DNAH14: variants seen among roughly 807,000 people sequenced by gnomAD.
DNAH14 encodes axonemal beta dynein heavy chain 14.
DNAH14 carries 478 observed loss-of-function variants against 520.9 expected under a neutral mutation model. That is an observed-to-expected ratio of 0.92 (90% CI 0.85 to 0.99). The LOEUF is 0.99. Among genes scored for constraint, DNAH14 ranks in the 50% least tolerant of loss-of-function variants. The probability of loss-of-function intolerance (pLI) is 0.00; values close to 1 mark genes in which losing one functional copy is unlikely to be tolerated. For missense variants in DNAH14, 4,831 were observed against 5,234.5 expected, an observed-to-expected ratio of 0.92 and a Z score of 2.38; for synonymous variants, 1,581 against 1,757.2, an observed-to-expected ratio of 0.90 and a Z score of 2.51.
At chr1:225,273,412 C>G (rs1460277919) in intron 52 of DNAH14, among the ~76,000 whole-genome samples, 1 of 152,218 alleles carries the variant, frequency 6.6e-6, no homozygotes, top group African/African-American at 2.4e-5. Context: ...GCAGTCCAGC[C>G]TGGGCGACAG....
At chr1:225,299,771 T>C (rs910023258) in intron 55 of DNAH14, among the ~76,000 whole-genome samples, 7 of 152,150 alleles carry the variant, frequency 4.6e-5, no homozygotes, top group African/African-American at 1.7e-4. Context: ...TTCATGTGAC[T>C]CAAAAAGAGT....
chr1:225,063,548 A>G (rs1308174979), intron 17 of DNAH14, among the ~76,000 whole-genome samples: 2 of 152,126 alleles, frequency 1.3e-5, no homozygotes, highest in Non-Finnish European at 2.9e-5. Flanking sequence ...CTGCAGAAAA[A>G]AATCTGAACT....
intron 38 of DNAH14, among the ~76,000 whole-genome samples, chr1:225,195,526 A>G (rs2086016599): frequency 6.6e-6 from 1 of 151,962 alleles, no homozygotes; most frequent in Admixed American, 6.6e-5. Flanking sequence ...GAGGATGGAG[A>G]GGATCAAAAA....
intron 21 of DNAH14, among the ~76,000 whole-genome samples, chr1:225,096,114 C>T (rs1014390813): frequency 2.0e-5 from 3 of 151,096 alleles, no homozygotes; most frequent in South Asian, 2.1e-4. Context: ...TTACCGGCAC[C>T]GCCACCATGC....
chr1:224,975,705 G>T (rs2125657779), intron 8 of DNAH14, among the ~76,000 whole-genome samples: 1 of 151,066 alleles, frequency 6.6e-6, no homozygotes, highest in South Asian at 2.1e-4. Context: ...TTTTTGAAGG[G>T]TTTCTTGTGT....
intron 17 of DNAH14, among the ~76,000 whole-genome samples, chr1:225,070,312 A>T (rs1008356362): frequency 5.3e-5 from 8 of 152,054 alleles, no homozygotes; most frequent in African/African-American, 1.7e-4. Context: ...TGTTAACTTG[A>T]GATCTTTCTA....
intron 19 of DNAH14, among the ~76,000 whole-genome samples, chr1:225,082,141 A>G (rs2073195951): frequency 7.1e-6 from 1 of 140,718 alleles, no homozygotes; most frequent in South Asian, 2.3e-4. Flanking sequence ...ATAAATACCC[A>G]GAATCTGTGA....
At chr1:225,072,068 T>C (rs1346841270) in intron 17 of DNAH14, among the ~76,000 whole-genome samples, 2 of 152,220 alleles carry the variant, frequency 1.3e-5, no homozygotes, top group Admixed American at 6.5e-5. Flanking sequence ...CTGAATTTCC[T>C]GAATTTTAAT....
intron 43 of DNAH14, among the ~76,000 whole-genome samples, chr1:225,245,852 T>A (rs1213704795): frequency 6.6e-6 from 1 of 152,092 alleles, no homozygotes; most frequent in Non-Finnish European, 1.5e-5. Flanking sequence ...TTTACTTTCT[T>A]CACAGAATTA....
intron 77 of DNAH14, among the ~76,000 whole-genome samples, chr1:225,369,866 G>A (rs2095597631): frequency 6.6e-6 from 1 of 151,992 alleles, no homozygotes; most frequent in Non-Finnish European, 1.5e-5. Context: ...CATAACTCTA[G>A]ATAACCTTTT....
intron 45 of DNAH14, 121 bp downstream of exon 45, chr1:225,258,239 A>C (rs897293363): frequency 2.1e-6 from 2 of 949,634 alleles, no homozygotes; most frequent in Admixed American, 7.7e-5. Flanking sequence ...TTTGGTTACT[A>C]TATTAATTTA....
At chr1:225,109,819 C>T (rs1330061124) in intron 23 of DNAH14, among the ~76,000 whole-genome samples, 1 of 152,108 alleles carries the variant, frequency 6.6e-6, no homozygotes, top group African/African-American at 2.4e-5. Context: ...TTCATTTTCT[C>T]CCCATTTAGT....
chr1:225,115,547 G>A (rs576510909), intron 23 of DNAH14, among the ~76,000 whole-genome samples: 2 of 152,262 alleles, frequency 1.3e-5, no homozygotes, highest in South Asian at 4.1e-4. Context: ...CAGTGGTTGT[G>A]ATGAGCCCTC....
intron 27 of DNAH14, among the ~76,000 whole-genome samples, chr1:225,132,685 G>A (rs894815816): frequency 1.3e-5 from 2 of 152,126 alleles, no homozygotes; most frequent in African/African-American, 2.4e-5. Flanking sequence ...ACATACATGT[G>A]TGCATGTATC....
At chr1:225,254,074 T>C (rs2092652405) in intron 44 of DNAH14, among the ~76,000 whole-genome samples, 1 of 152,068 alleles carries the variant, frequency 6.6e-6, no homozygotes, top group African/African-American at 2.4e-5. Context: ...CCTATTTTTT[T>C]CTCCCCTTTC....
intron 23 of DNAH14, among the ~76,000 whole-genome samples, chr1:225,103,092 T>A (rs1207907480): frequency 6.6e-6 from 1 of 152,244 alleles, no homozygotes; most frequent in Non-Finnish European, 1.5e-5. Flanking sequence ...AGATCCAGTT[T>A]CAGCTTTCTA....
In DNAH14 at chr1:225,367,958, G is replaced by A. The variant is rs930206913; in HGVS notation, c.12244G>A (p.Val4082Ile). Residue 4082 changes from valine to isoleucine, a missense_variant, in exon 77 of 86, where the codon GTA (valine) becomes ATA (isoleucine). By Grantham distance (29) the Val-to-Ile change is conservative (BLOSUM62 3). Transcript: ENST00000682510. ...ATTTAGCCTATGTTTTTTCAATGCTGTAATCAATGAAAGAAAAAATTACGG... is the reference window on the plus strand; with the variant it reads ...ATTTAGCCTATGTTTTTTCAATGCTATAATCAATGAAAGAAAAAATTACGG... The part of the protein sequence containing the change: ...LLFSLCFFNA[V>I]INERKNYGIL... 7.7e-6 allele frequency: 12 copies of A among 1,551,304 alleles called. No individual in the cohort carries two copies. The Admixed American group carries it at 1.6e-4, about 20-fold the overall frequency.
chr1:225,362,204 C>T (rs1056998804), intron 75 of DNAH14, among the ~76,000 whole-genome samples: 3 of 152,160 alleles, frequency 2.0e-5, no homozygotes, highest in African/African-American at 4.8e-5. Context: ...TTCCTTAGAA[C>T]AGAATTTCAG....
intron 17 of DNAH14, among the ~76,000 whole-genome samples, chr1:225,056,222 G>A (rs1007758436): frequency 6.6e-6 from 1 of 152,104 alleles, no homozygotes; most frequent in African/African-American, 2.4e-5. Flanking sequence ...TTTAATGATT[G>A]CCATTCTAAC....
Sources: allele counts gnomAD v4.1 joint callset (sites outside exome capture counted in the v4.1 genomes callset), GRCh38; gene constraint gnomAD v4.1.1; transcripts MANE v1.5; gene names NCBI Gene and HGNC (gene_info 2026-07-23, HGNC 2026-07-21).